The following TAFA1 variants were observed in gnomAD, a reference collection of about 807,000 sequenced individuals.
TAFA1 encodes the protein TAFA chemokine like family member 1, also known as chemokine-like protein TAFA-1.
A neutral mutation model predicts 18.5 loss-of-function variants in TAFA1; 4 were observed. That is an observed-to-expected ratio of 0.22 (90% CI 0.11 to 0.49). The LOEUF is 0.49. Among genes scored for constraint, TAFA1 ranks in the 20% least tolerant of loss-of-function variants. The pLI, the probability that TAFA1 is intolerant of heterozygous loss-of-function variation, is 0.98. For missense variants in TAFA1, 147 were observed against 169.0 expected (o/e 0.87, Z 0.72); for synonymous variants, 56 against 55.2 (o/e 1.01, Z -0.06).
chr3:68,343,004 TA>T lies in TAFA1; in HGVS notation c.119-74274del, dbSNP rs1435118530. ...AAATTTCCTATAGGTTTAGTTGCTT[TA>T]ACAAAGTGCCTGTCAGGTTGCACTT... On this transcript the variant is annotated intron_variant, in intron 2 of 4. Transcript: ENST00000478136. Among the ~76,000 whole-genome samples the T allele has an allele frequency of 2.6e-5, 4 of 152,198 alleles. No individual in the cohort carries two copies. The East Asian group carries it at 5.8e-4, about 22-fold the overall frequency.
intron 2 of TAFA1, among the ~76,000 whole-genome samples, chr3:68,349,545 G>T (rs1047348549): frequency 2.6e-5 from 4 of 152,010 alleles, no homozygotes; most frequent in Non-Finnish European, 4.4e-5. Context: ...TAAATTTTCA[G>T]CTGGCATTTT....
chr3:68,327,210 A>G lies in TAFA1; in HGVS notation c.119-90070A>G, dbSNP rs1033481511. Among the ~76,000 whole-genome samples the G allele has an allele frequency of 3.3e-5, 5 of 152,128 alleles. 1 individual carries two copies. Among genetic ancestry groups the G allele is most frequent in the Admixed American group, 3.3e-4 (5 of 15,272 alleles). On this transcript the variant is annotated intron_variant, in intron 2 of 4. Coordinates refer to ENST00000478136, the MANE Select transcript of TAFA1 (RefSeq NM_213609.4). ...GCCATGTGGAACTGTGAGTTCATTAAACCTCTTTCCTTTATAAATTGTCAG... is the reference window on the plus strand; with the variant it reads ...GCCATGTGGAACTGTGAGTTCATTAGACCTCTTTCCTTTATAAATTGTCAG...
At chr3:68,373,895 G>A (rs767251940) in intron 2 of TAFA1, among the ~76,000 whole-genome samples, 8 of 152,152 alleles carry the variant, frequency 5.3e-5, no homozygotes, top group East Asian at 1.9e-4. Flanking sequence ...AAAAGTAAAC[G>A]CATTCTGCAA....
chr3:68,080,371 T>G (rs376324361), intron 2 of TAFA1, among the ~76,000 whole-genome samples: 11 of 152,098 alleles, frequency 7.2e-5, no homozygotes, highest in Non-Finnish European at 1.2e-4. Flanking sequence ...GTTAGCTGGT[T>G]ATTTTGCTCG....
At chr3:68,366,048 C>T (rs1022347227) in intron 2 of TAFA1, among the ~76,000 whole-genome samples, 13 of 148,210 alleles carry the variant, frequency 8.8e-5, no homozygotes, top group African/African-American at 1.5e-4. Context: ...ATTGCACCAC[C>T]GCACTCCAGC....
intron 2 of TAFA1, among the ~76,000 whole-genome samples, chr3:68,410,512 A>G (rs2070694759): frequency 6.6e-6 from 1 of 151,974 alleles, no homozygotes; most frequent in Non-Finnish European, 1.5e-5. Context: ...GATATTTTAG[A>G]TGTATGTTTT....
intron 2 of TAFA1, among the ~76,000 whole-genome samples, chr3:68,393,859 T>C (rs1164294835): frequency 6.6e-6 from 1 of 152,182 alleles, no homozygotes; most frequent in Non-Finnish European, 1.5e-5. Context: ...TGATGGAATG[T>C]ATCTCAAAAT....
Position 68,521,461 on chromosome 3 carries a change from T to C in TAFA1, c.260-17295T>C, listed in dbSNP as rs533583242. Among the ~76,000 whole-genome samples the C allele has an allele frequency of 9.9e-5, 15 of 152,214 alleles. 1 individual carries two copies. The South Asian group carries it at 2.7e-3, about 27-fold the overall frequency. ...GGTGCATTAAACACACAACTGGAAA[T>C]GTACAATCACTGGCCTCACGAAGCG... is the stretch of plus-strand genomic sequence containing the variant. On this transcript the variant is annotated intron_variant, in intron 3 of 4. Transcript: ENST00000478136.
At chr3:68,418,469 GT>G (rs2070887440) in intron 3 of TAFA1, among the ~76,000 whole-genome samples, 2 of 51,588 alleles carry the variant, frequency 3.9e-5, no homozygotes, top group South Asian at 6.5e-4. Context: ...AATATCATCA[GT>G]TAAGGCAAGG....
intron 2 of TAFA1, among the ~76,000 whole-genome samples, chr3:68,330,301 T>A (rs967099590): frequency 1.4e-4 from 22 of 152,164 alleles, no homozygotes; most frequent in Admixed American, 4.6e-4. Context: ...TCTGGCCATG[T>A]GATTGAGGCC....
At chr3:68,445,859 C>A (rs934842484) in intron 3 of TAFA1, among the ~76,000 whole-genome samples, 1 of 152,078 alleles carries the variant, frequency 6.6e-6, no homozygotes. Flanking sequence ...ATTTTGCATA[C>A]CCTATCTGGC....
At chr3:68,188,108 T>G (rs2066292068) in intron 2 of TAFA1, among the ~76,000 whole-genome samples, 1 of 151,988 alleles carries the variant, frequency 6.6e-6, no homozygotes, top group Non-Finnish European at 1.5e-5. Context: ...TGCCTATTCA[T>G]ATTCTTGAGG....
In TAFA1 at chr3:68,265,175, A is replaced by T. The variant is rs1308491692; in HGVS notation, c.119-152105A>T. 2.0e-5 allele frequency among the ~76,000 whole-genome samples: 3 copies of T among 152,272 alleles called. No individual in the cohort carries two copies. In the East Asian group the frequency reaches 5.8e-4, roughly 29 times the overall value. On this transcript the variant is annotated intron_variant, in intron 2 of 4. Coordinates refer to ENST00000478136, the MANE Select transcript of TAFA1 (RefSeq NM_213609.4). ...TGGAAGCTCTTTTTAAAATAATTTC[A>T]TCCAAAACCTTTTCTGAGGCTCTGA...
chr3:68,227,663 A>G (rs1170841039), intron 2 of TAFA1, among the ~76,000 whole-genome samples: 1 of 152,236 alleles, frequency 6.6e-6, no homozygotes, highest in Non-Finnish European at 1.5e-5. Flanking sequence ...TATAATGCTG[A>G]CCACTTATAT....
At chr3:68,477,188 CTT>C (rs981801529) in intron 3 of TAFA1, among the ~76,000 whole-genome samples, 4 of 151,746 alleles carry the variant, frequency 2.6e-5, no homozygotes, top group African/African-American at 9.7e-5. Flanking sequence ...AGTATATACT[CTT>C]TTATATATTT....
Position 68,505,893 on chromosome 3 carries a change from T to TA in TAFA1, c.260-32863_260-32862insA, listed in dbSNP as rs202156527. ...GTGCCATATTCTATTTCTTTTTTTT[T>TA]TTATTATTATTATACTTTAAGTTCT... is the stretch of plus-strand genomic sequence containing the variant. On this transcript the variant is annotated intron_variant, in intron 3 of 4. Coordinates refer to ENST00000478136, the MANE Select transcript of TAFA1 (RefSeq NM_213609.4). Among the ~76,000 whole-genome samples the TA allele has an allele frequency of 4.1e-3, 616 of 151,508 alleles. 4 individuals carry two copies. The highest frequency in any genetic ancestry group is 0.011 in the African/African-American group (450 of 41,318).
chr3:68,050,486 G>A (rs952108451), intron 2 of TAFA1, among the ~76,000 whole-genome samples: 7 of 152,112 alleles, frequency 4.6e-5, no homozygotes, highest in East Asian at 1.9e-4. Flanking sequence ...GCTATGGCAC[G>A]TAATGATACT....
At chr3:68,507,459 G>A (rs896391110) in intron 3 of TAFA1, among the ~76,000 whole-genome samples, 1 of 151,886 alleles carries the variant, frequency 6.6e-6, no homozygotes, top group Non-Finnish European at 1.5e-5. Flanking sequence ...TCAGATCAGG[G>A]CAAAAACAGT....
chr3:68,252,863 TG>T (rs2067223893), intron 2 of TAFA1, among the ~76,000 whole-genome samples: 1 of 152,148 alleles, frequency 6.6e-6, no homozygotes. Flanking sequence ...AATTGAATCA[TG>T]GGGGTAAGTC....
Sources: allele counts gnomAD v4.1 joint callset (sites outside exome capture counted in the v4.1 genomes callset), GRCh38; gene constraint gnomAD v4.1.1; transcripts MANE v1.5; gene names NCBI Gene and HGNC (gene_info 2026-07-23, HGNC 2026-07-21).